MGAM: variants seen among roughly 807,000 people sequenced by gnomAD.
MGAM encodes alpha-1,4-glucosidase.
A neutral mutation model predicts 358.8 loss-of-function variants in MGAM; 253 were observed. The observed-to-expected ratio is 0.71, with a 90% CI of 0.64 to 0.78. The LOEUF is 0.78. Ranked by LOEUF, MGAM falls within the 30% of genes least tolerant of loss-of-function variation. The pLI is 0.00. For missense variants in MGAM, 3,080 were observed against 3,432.6 expected, an observed-to-expected ratio of 0.90 and a Z score of 2.57; for synonymous variants, 1,105 against 1,227.1, an observed-to-expected ratio of 0.90 and a Z score of 2.08.
At chr7:142,051,922 T>G (rs1267662190) in intron 24 of MGAM, among the ~76,000 whole-genome samples, 1 of 152,142 alleles carries the variant, frequency 6.6e-6, no homozygotes, top group Admixed American at 6.6e-5. Context: ...CGCCAATGGG[T>G]GATACTGGTT....
chr7:142,084,416 A>C, intron 53 of MGAM, 103 bp from the exon 54 acceptor site: 1 of 1,280,738 alleles, frequency 7.8e-7, no homozygotes, highest in Non-Finnish European at 1.1e-6. Flanking sequence ...TCAATTAGTT[A>C]GTTGTCTAGC....
chr7:142,022,539 A>G, intron 7 of MGAM, 100 bp downstream of exon 7: 1 of 1,275,542 alleles, frequency 7.8e-7, no homozygotes, highest in Non-Finnish European at 1.1e-6. Flanking sequence ...TAGAGTCTAG[A>G]GTGAGACTAC....
chr7:142,078,739 C>T (rs1467106712), intron 48 of MGAM, 69 bp from the exon 49 acceptor site: 1 of 1,414,140 alleles, frequency 7.1e-7, no homozygotes, highest in Non-Finnish European at 9.8e-7. Context: ...ACTTTTCTAA[C>T]CCTGTTTAGG....
In MGAM at chr7:141,988,144, C is replaced by T. The variant is rs551069434; in HGVS notation, c.-2-17385C>T. Among the ~76,000 whole-genome samples the T allele has an allele frequency of 7.2e-5, 11 of 151,746 alleles. No individual in the cohort carries two copies. In the East Asian group the frequency reaches 1.6e-3, roughly 22 times the overall value. On this transcript the variant is annotated intron_variant, in intron 2 of 5. Transcript: ENST00000465654. ...AGCTACTAAAAATACAAAGATTAGC[C>T]GGGCGTGGTGGTGCATGCCTGTAAT...
At position 142,039,057 on chromosome 7, in the gene MGAM, T is replaced by C. The variant is rs1387953507; in HGVS notation, c.2316+442T>C. Among the ~76,000 whole-genome samples, 5 of 151,234 alleles carry C rather than the reference T, an allele frequency of 3.3e-5. No homozygotes were observed. In the South Asian group the frequency reaches 1.0e-3, roughly 32 times the overall value. ...AAGGTGAAGAGGAGCAGCGATGTCA[T>C]ATAGCAAAAGCAGGAACAAGACGGG... is the stretch of plus-strand genomic sequence containing the variant. On this transcript the variant is annotated intron_variant, in intron 19 of 70. Coordinates refer to ENST00000475668, the MANE Select transcript of MGAM (RefSeq NM_001365693.1).
intron 10 of MGAM, among the ~76,000 whole-genome samples, chr7:142,029,320 A>G (rs1414612569): frequency 6.6e-6 from 1 of 152,084 alleles, no homozygotes; most frequent in African/African-American, 2.4e-5. Flanking sequence ...AGATCGTGCC[A>G]CTGTATTCCA....
chr7:142,019,368 T>C, intron 4 of MGAM, 49 bp downstream of exon 4: 1 of 1,594,754 alleles, frequency 6.3e-7, no homozygotes, highest in Non-Finnish European at 8.5e-7. Context: ...CTCTGGAGGT[T>C]GACTCTGTAT....
intron 21 of MGAM, among the ~76,000 whole-genome samples, chr7:142,044,223 G>A (rs537661001): frequency 9.5e-5 from 5 of 52,510 alleles, no homozygotes; most frequent in African/African-American, 1.2e-4. Context: ...ATACACATAC[G>A]ACATATAATA....
At chr7:142,025,170 A>C in intron 8 of MGAM, 21 bp downstream of exon 8, 3 of 1,540,516 alleles carry the variant, frequency 1.9e-6, no homozygotes, top group Non-Finnish European at 2.7e-6. Flanking sequence ...ATTCATGGAA[A>C]AAACAAGCAC....
At chr7:142,095,972 G>A (rs934789926) in intron 64 of MGAM, 1 of 630,136 alleles carries the variant, frequency 1.6e-6, no homozygotes, top group South Asian at 2.1e-5. Context: ...CTGTGCAAAG[G>A]CCTATCTATC....
intron 22 of MGAM, among the ~76,000 whole-genome samples, chr7:142,050,031 A>G (rs1016971955): frequency 1.5e-4 from 23 of 152,196 alleles, no homozygotes; most frequent in African/African-American, 5.5e-4. Context: ...AACAACCAAG[A>G]TATAGAAACA....
At chr7:142,092,708 A>T in intron 59 of MGAM, 100 bp downstream of exon 59, 6 of 1,098,236 alleles carry the variant, frequency 5.5e-6, no homozygotes, top group South Asian at 2.8e-5. Flanking sequence ...CTCAGGGCAC[A>T]TCCTCATGGC....
chr7:142,101,215 A>G (rs944169978), intron 68 of MGAM, among the ~76,000 whole-genome samples: 7 of 152,266 alleles, frequency 4.6e-5, no homozygotes, highest in African/African-American at 1.7e-4. Context: ...CCCGAATTAC[A>G]TGGTTTACTG....
Position 142,097,065 on chromosome 7 carries a change from A to G in MGAM, c.7693-528A>G, listed in dbSNP as rs1376432554. ...TGCCTCAACCTGCCGAGTAGCTAGG[A>G]CTACAGGCACGTGCCACCAGGCCCG... On this transcript the variant is annotated intron_variant, in intron 65 of 70. Transcript: ENST00000475668. Among the ~76,000 whole-genome samples the G allele has an allele frequency of 5.9e-5, 9 of 151,924 alleles. No individual in the cohort carries two copies. In the East Asian group the frequency reaches 1.7e-3, roughly 29 times the overall value.
chr7:142,102,381 C>T (rs1162383909), intron 68 of MGAM, among the ~76,000 whole-genome samples: 1 of 152,198 alleles, frequency 6.6e-6, no homozygotes, highest in Non-Finnish European at 1.5e-5. Flanking sequence ...CTCTGTCAGA[C>T]AGATGTGTCT....
intron 12 of MGAM, 110 bp downstream of exon 12, chr7:142,030,867 C>A: frequency 1.4e-6 from 1 of 719,398 alleles, no homozygotes; most frequent in African/African-American, 1.8e-5. Context: ...TGTACATTTT[C>A]AGTATATTTA....
intron 8 of MGAM, among the ~76,000 whole-genome samples, 182 bp from the exon 9 acceptor site, chr7:142,026,933 T>A (rs1003929278): frequency 2.6e-5 from 4 of 152,318 alleles, no homozygotes; most frequent in Admixed American, 2.6e-4. Context: ...ATGCCTTGGC[T>A]GCCATGTGCT....
intron 2 of MGAM, among the ~76,000 whole-genome samples, chr7:141,988,687 A>G (rs918620261): frequency 3.3e-5 from 5 of 151,798 alleles, no homozygotes; most frequent in African/African-American, 9.7e-5. Flanking sequence ...TTATGTGAAT[A>G]CTAGGTGATG....
At chr7:142,033,411 A>G (rs1019161263) in intron 14 of MGAM, among the ~76,000 whole-genome samples, 5 of 152,168 alleles carry the variant, frequency 3.3e-5, no homozygotes, top group African/African-American at 1.2e-4. Flanking sequence ...GGACAACACT[A>G]TCTCTCAGGG....
Sources: gnomAD v4.1 joint callset for allele counts (sites outside exome capture counted in the v4.1 genomes callset) on GRCh38, gnomAD v4.1.1 for gene constraint, MANE v1.5 for transcripts, NCBI Gene and HGNC (gene_info 2026-07-23, HGNC 2026-07-21) for gene names.